The following SLIT2 variants were observed in gnomAD, a reference collection of about 807,000 sequenced individuals.
SLIT2 encodes slit homolog 2 protein.
A neutral mutation model predicts 185.7 loss-of-function variants in SLIT2; 41 were observed. The observed-to-expected ratio is 0.22, with a 90% confidence interval of 0.17 to 0.29. The LOEUF (loss-of-function observed/expected upper bound fraction) is 0.29, where lower values mean the gene tolerates loss of function less well. Ranked by LOEUF, SLIT2 falls within the 10% of genes least tolerant of loss-of-function variation. The probability of loss-of-function intolerance (pLI) is 1.00; values close to 1 mark genes in which losing one functional copy is unlikely to be tolerated. For synonymous variants in SLIT2, 693 were observed against 680.2 expected (o/e 1.02, Z -0.29); for missense variants, 1,571 against 1,909.0 (o/e 0.82, Z 3.30).
chr4:20,436,790 G>A (rs188632222), intron 4 of SLIT2, among the ~76,000 whole-genome samples: 43 of 152,288 alleles, frequency 2.8e-4, no homozygotes, highest in Admixed American at 2.5e-3. Context: ...CATATTTACT[G>A]TCTGGCCCTT....
At chr4:20,582,696 T>G (rs1321869162) in intron 29 of SLIT2, among the ~76,000 whole-genome samples, 1 of 152,170 alleles carries the variant, frequency 6.6e-6, no homozygotes, top group Non-Finnish European at 1.5e-5. Flanking sequence ...GCATCCTCAG[T>G]GTACAATTTT....
intron 4 of SLIT2, among the ~76,000 whole-genome samples, chr4:20,409,498 T>C (rs958015618): frequency 6.6e-6 from 1 of 152,198 alleles, no homozygotes; most frequent in African/African-American, 2.4e-5. Context: ...CGATTCCATG[T>C]CTTTGTTAGT....
At chr4:20,495,835 A>T (rs1178824701) in intron 9 of SLIT2, among the ~76,000 whole-genome samples, 1 of 152,204 alleles carries the variant, frequency 6.6e-6, no homozygotes, top group East Asian at 1.9e-4. Context: ...ATAGTGGCAT[A>T]ACTTACTAGC....
chr4:20,337,252 C>A (rs1267402948), intron 4 of SLIT2, among the ~76,000 whole-genome samples: 3 of 152,036 alleles, frequency 2.0e-5, no homozygotes, highest in Admixed American at 2.0e-4. Flanking sequence ...TGGCGGAAGG[C>A]AAGGAGGAGC....
At chr4:20,538,420 A>ATCTTTTCT (rs71181570) in intron 18 of SLIT2, among the ~76,000 whole-genome samples, 44,356 of 151,978 alleles carry the variant, frequency 0.29, 6,732 homozygotes, top group Middle Eastern at 0.41. Flanking sequence ...GGAGAGCATC[A>ATCTTTTCT]TCTTATCTGT....
intron 33 of SLIT2, among the ~76,000 whole-genome samples, chr4:20,605,904 G>A (rs968796177): frequency 2.2e-4 from 33 of 151,652 alleles, no homozygotes; most frequent in African/African-American, 6.5e-4. Flanking sequence ...CCGCCACCAC[G>A]CCCAGATGAT....
At chr4:20,257,824 G>A (rs758470372) in intron 2 of SLIT2, 44 bp from the exon 3 acceptor site, 4 of 932,610 alleles carry the variant, frequency 4.3e-6, no homozygotes, top group Non-Finnish European at 7.0e-6. Flanking sequence ...TTATTCAGAT[G>A]GTGAGTGGTA....
intron 4 of SLIT2, among the ~76,000 whole-genome samples, chr4:20,353,859 T>C (rs1560345614): frequency 6.6e-6 from 1 of 152,184 alleles, no homozygotes; most frequent in East Asian, 1.9e-4. Context: ...TTAGAAGAAA[T>C]GTTGCAATAA....
intron 1 of SLIT2, among the ~76,000 whole-genome samples, chr4:20,256,082 C>T (rs1711791608): frequency 6.6e-6 from 1 of 152,112 alleles, no homozygotes; most frequent in Non-Finnish European, 1.5e-5. Context: ...AGCGGGGTTC[C>T]CTGAGCTGCA....
intron 4 of SLIT2, among the ~76,000 whole-genome samples, chr4:20,323,785 T>A (rs1719305249): frequency 6.6e-6 from 1 of 152,214 alleles, no homozygotes; most frequent in African/African-American, 2.4e-5. Context: ...TCAAGTTATG[T>A]CACTCGAACT....
chr4:20,566,809 A>G (rs1436371771), intron 26 of SLIT2, among the ~76,000 whole-genome samples: 1 of 152,008 alleles, frequency 6.6e-6, no homozygotes, highest in South Asian at 2.1e-4. Flanking sequence ...TGTATTGTGT[A>G]TTTAATTACA....
chr4:20,386,412 G>A (rs568056726), intron 4 of SLIT2, among the ~76,000 whole-genome samples: 130 of 152,098 alleles, frequency 8.5e-4, no homozygotes, highest in African/African-American at 2.9e-3. Context: ...ACACAAGTGT[G>A]TCACACAAGT....
intron 29 of SLIT2, chr4:20,573,098 G>C (rs940252118): frequency 1.5e-6 from 1 of 674,050 alleles, no homozygotes. Context: ...CTGTAGGTAA[G>C]AAATCCAAGC....
intron 4 of SLIT2, among the ~76,000 whole-genome samples, chr4:20,296,591 A>G (rs896606112): frequency 1.3e-5 from 2 of 152,202 alleles, no homozygotes; most frequent in Non-Finnish European, 2.9e-5. Context: ...TAGATACTAC[A>G]TAAGCCTCAG....
intron 4 of SLIT2, among the ~76,000 whole-genome samples, chr4:20,326,323 T>C (rs1719581885): frequency 6.6e-6 from 1 of 152,072 alleles, no homozygotes; most frequent in African/African-American, 2.4e-5. Flanking sequence ...CATAAAACCA[T>C]GTCTCTTTTA....
rs543348928 is a variant in SLIT2 at position 20,271,464 on chromosome 4, T to G, written c.395+2583T>G. On this transcript the variant is annotated intron_variant, in intron 4 of 36. Coordinates refer to ENST00000504154, the MANE Select transcript of SLIT2 (RefSeq NM_004787.4). ...TAATATATAATTAATTTATATATAA[T>G]ATTTATATATAATTTATATTTATAT... 2.8e-5 allele frequency among the ~76,000 whole-genome samples: 4 copies of G among 144,620 alleles called. No homozygotes were observed. In the South Asian group the frequency reaches 8.5e-4, roughly 31 times the overall value. 94.9% of individuals were successfully genotyped at this position (144,620 alleles called of 152,430 possible).
At chr4:20,570,279 G>C (rs1237928221) in intron 29 of SLIT2, among the ~76,000 whole-genome samples, 2 of 151,966 alleles carry the variant, frequency 1.3e-5, no homozygotes, top group Admixed American at 1.3e-4. Context: ...ACTGCTTAGT[G>C]GGTGGAATTT....
intron 4 of SLIT2, among the ~76,000 whole-genome samples, chr4:20,361,478 GT>G (rs1336874108): frequency 6.6e-6 from 1 of 152,116 alleles, no homozygotes; most frequent in Non-Finnish European, 1.5e-5. Context: ...CTTCATGAAT[GT>G]TAGCAGTAGC....
chr4:20,596,180 G>A (rs1727964749), intron 31 of SLIT2, among the ~76,000 whole-genome samples: 1 of 152,198 alleles, frequency 6.6e-6, no homozygotes, highest in Non-Finnish European at 1.5e-5. Context: ...GAGGGATGGT[G>A]TTTGGGGAGA....
Sources: gnomAD v4.1 joint callset for allele counts (sites outside exome capture counted in the v4.1 genomes callset) on GRCh38, gnomAD v4.1.1 for gene constraint, MANE v1.5 for transcripts, NCBI Gene and HGNC (gene_info 2026-07-23, HGNC 2026-07-21) for gene names.